The following SH3GL3 variants were observed in gnomAD, a reference collection of about 807,000 sequenced individuals.
SH3GL3 encodes SH3 domain containing GRB2 like 3, endophilin A3.
SH3GL3 carries 33 observed loss-of-function variants against 47.7 expected under a neutral mutation model. The observed-to-expected ratio is 0.69, with a 90% CI of 0.52 to 0.92. The LOEUF (loss-of-function observed/expected upper bound fraction) is 0.92, where lower values mean the gene tolerates loss of function less well. Ranked by LOEUF, SH3GL3 falls within the 40% of genes least tolerant of loss-of-function variation. The probability of loss-of-function intolerance (pLI) is 0.00; values close to 1 mark genes in which losing one functional copy is unlikely to be tolerated. For missense variants in SH3GL3, 363 were observed against 417.8 expected (o/e 0.87, Z 1.14); for synonymous variants, 155 against 148.8 (o/e 1.04, Z -0.30).
intron 1 of SH3GL3, among the ~76,000 whole-genome samples, chr15:83,542,700 T>C (rs1233896052): frequency 6.6e-6 from 1 of 152,112 alleles, no homozygotes; most frequent in Non-Finnish European, 1.5e-5. Context: ...GGGTTAATTC[T>C]TAGGTATTTT....
intron 1 of SH3GL3, among the ~76,000 whole-genome samples, chr15:83,449,756 CTT>C (rs1009795872): frequency 7.1e-6 from 1 of 141,752 alleles, no homozygotes; most frequent in Admixed American, 7.4e-5. Context: ...TAATTTATGA[CTT>C]TACCTGAAAG....
At chr15:83,592,748 T>G (rs894000836) in intron 8 of SH3GL3, among the ~76,000 whole-genome samples, 15 of 152,286 alleles carry the variant, frequency 9.8e-5, no homozygotes, top group Non-Finnish European at 4.4e-5. Context: ...ACATCCTGCC[T>G]CCTCCACACT....
At chr15:83,596,814 C>G (rs1280841264) in intron 8 of SH3GL3, among the ~76,000 whole-genome samples, 1 of 152,024 alleles carries the variant, frequency 6.6e-6, no homozygotes, top group Non-Finnish European at 1.5e-5. Flanking sequence ...TCCTTCTCCT[C>G]TATTCCCTTT....
At chr15:83,572,929 C>A (rs1303067066) in intron 5 of SH3GL3, among the ~76,000 whole-genome samples, 1 of 152,154 alleles carries the variant, frequency 6.6e-6, no homozygotes, top group Non-Finnish European at 1.5e-5. Context: ...AAGCCATGTT[C>A]TTTCAGCTGG....
intron 1 of SH3GL3, among the ~76,000 whole-genome samples, chr15:83,497,317 C>A (rs764095873): frequency 8.5e-5 from 13 of 152,106 alleles, no homozygotes; most frequent in Non-Finnish European, 1.6e-4. Context: ...TCTACCGGGA[C>A]ATCTAGAGCC....
intron 1 of SH3GL3, among the ~76,000 whole-genome samples, chr15:83,498,639 C>A (rs2042173714): frequency 6.6e-6 from 1 of 152,176 alleles, no homozygotes; most frequent in African/African-American, 2.4e-5. Context: ...GTCAATCTCT[C>A]TCTGCACCAC....
intron 1 of SH3GL3, among the ~76,000 whole-genome samples, chr15:83,494,608 TC>T (rs2042007047): frequency 6.6e-6 from 1 of 151,698 alleles, no homozygotes; most frequent in Non-Finnish European, 1.5e-5. Context: ...AATGGTGTCA[TC>T]TTGGCTCACT....
intron 1 of SH3GL3, among the ~76,000 whole-genome samples, chr15:83,492,995 A>C (rs2041939073): frequency 6.6e-6 from 1 of 152,260 alleles, no homozygotes; most frequent in African/African-American, 2.4e-5. Context: ...CCTTATTTCC[A>C]TCTGGATTCA....
At chr15:83,620,722 CAG>C (rs1185207078), downstream of SH3GL3, among the ~76,000 whole-genome samples, 2 of 152,194 alleles carry the variant, frequency 1.3e-5, no homozygotes, top group Non-Finnish European at 2.9e-5. Context: ...TTGGAATGGT[CAG>C]TGCGCATTGG....
At chr15:83,550,402 T>A (rs2044603136) in intron 1 of SH3GL3, among the ~76,000 whole-genome samples, 1 of 152,142 alleles carries the variant, frequency 6.6e-6, no homozygotes, top group African/African-American at 2.4e-5. Flanking sequence ...TTTTATTTAT[T>A]TTTTTTGAGA....
intron 8 of SH3GL3, among the ~76,000 whole-genome samples, chr15:83,594,905 A>C (rs2060200003): frequency 6.6e-6 from 1 of 152,210 alleles, no homozygotes; most frequent in Admixed American, 6.5e-5. Context: ...TGCTGGTGGC[A>C]ATGTAGATTA....
chr15:83,618,002 G>C (rs577024164), intron 8 of SH3GL3, 80 bp from the exon 9 acceptor site: 1 of 983,764 alleles, frequency 1.0e-6, no homozygotes, highest in East Asian at 2.4e-5. Context: ...GGGTCTCTCT[G>C]AGCTTTTCCA....
chr15:83,482,690 T>G (rs2151559889), intron 1 of SH3GL3, among the ~76,000 whole-genome samples: 1 of 152,186 alleles, frequency 6.6e-6, no homozygotes, highest in South Asian at 2.1e-4. Context: ...AGGCGAGTTT[T>G]CATCATGGCC....
chr15:83,632,347 G>T, the SH3GL3 span, among the ~76,000 whole-genome samples: 31 of 152,188 alleles, frequency 2.0e-4, no homozygotes, highest in African/African-American at 7.5e-4. Context: ...GTCTCTAGAG[G>T]TAATCTCCTG....
intron 1 of SH3GL3, among the ~76,000 whole-genome samples, chr15:83,554,338 C>T (rs781327993): frequency 2.1e-4 from 32 of 152,182 alleles, no homozygotes; most frequent in Non-Finnish European, 4.3e-4. Context: ...CAGGCATGCG[C>T]CACCACACCC....
At chr15:83,589,525 T>C (rs2060038385) in intron 8 of SH3GL3, among the ~76,000 whole-genome samples, 1 of 151,950 alleles carries the variant, frequency 6.6e-6, no homozygotes, top group South Asian at 2.1e-4. Flanking sequence ...TACAGGTGTA[T>C]GTGACCCTGC....
chr15:83,628,536 A>T, the SH3GL3 span, among the ~76,000 whole-genome samples: 1 of 152,178 alleles, frequency 6.6e-6, no homozygotes, highest in Non-Finnish European at 1.5e-5. Context: ...TGAGGTCAGG[A>T]GTCCGAGACC....
At chr15:83,613,742 A>G (rs188850466) in intron 8 of SH3GL3, among the ~76,000 whole-genome samples, 10 of 152,264 alleles carry the variant, frequency 6.6e-5, no homozygotes, top group Admixed American at 6.5e-4. Flanking sequence ...GTCATAGATC[A>G]TGTACGAGGT....
intron 8 of SH3GL3, among the ~76,000 whole-genome samples, chr15:83,600,370 G>A (rs997877037): frequency 2.6e-5 from 4 of 152,166 alleles, no homozygotes; most frequent in Non-Finnish European, 4.4e-5. Flanking sequence ...TTTTGTATAA[G>A]GTGAGAGATG....
Sources: allele counts gnomAD v4.1 joint callset (sites outside exome capture counted in the v4.1 genomes callset), GRCh38; gene constraint gnomAD v4.1.1; transcripts MANE v1.5; gene names NCBI Gene and HGNC (gene_info 2026-07-23, HGNC 2026-07-21).